KIAA2012: variants seen among roughly 807,000 people sequenced by gnomAD.
KIAA2012 encodes the protein uncharacterized protein KIAA2012.
Under a neutral mutation model 150.6 loss-of-function variants are expected in KIAA2012, and 125 were observed. The ratio of observed to expected loss-of-function variants is 0.83; its 90% CI spans 0.72 to 0.96. KIAA2012 has a LOEUF of 0.96. Among genes scored for constraint, KIAA2012 ranks in the 40% least tolerant of loss-of-function variants. The pLI, the probability that KIAA2012 is intolerant of heterozygous loss-of-function variation, is 0.00. For synonymous variants in KIAA2012, 462 were observed against 504.7 expected, an observed-to-expected ratio of 0.92 and a Z score of 1.13; for missense variants, 1,219 against 1,354.9, an observed-to-expected ratio of 0.90 and a Z score of 1.57.
intron 18 of KIAA2012, among the ~76,000 whole-genome samples, chr2:202,189,964 C>A (rs1349406873): frequency 6.6e-6 from 1 of 151,924 alleles, no homozygotes. Flanking sequence ...TGGTGGTGTG[C>A]CTGCAGTCCC....
Position 202,204,039 on chromosome 2 carries a change from G to T in KIAA2012, c.*21-959G>T, listed in dbSNP as rs77041274. Among the ~76,000 whole-genome samples, 47 of 151,374 alleles carry T rather than the reference G, an allele frequency of 3.1e-4. No homozygotes were observed. The East Asian group carries it at 8.5e-3, about 27-fold the overall frequency. ...CTACCTTGGCCTCCCAGAGTGCTGG[G>T]ATTACAGGCGTGAGCCACCGCACCC... On this transcript the variant is annotated intron_variant, in intron 23 of 23. Coordinates refer to ENST00000498697, the MANE Select transcript of KIAA2012 (RefSeq NM_001277372.4).
chr2:202,095,698 T>C (rs1433895184), intron 4 of KIAA2012, among the ~76,000 whole-genome samples: 1 of 152,206 alleles, frequency 6.6e-6, no homozygotes, highest in East Asian at 1.9e-4. Flanking sequence ...GAGTCACATA[T>C]TCAAACTCAC....
intron 7 of KIAA2012, among the ~76,000 whole-genome samples, chr2:202,102,560 T>C (rs779013456): frequency 4.6e-5 from 7 of 152,242 alleles, no homozygotes; most frequent in Admixed American, 1.3e-4. Context: ...GCTCAAACAA[T>C]GTTCTGTACT....
chr2:202,197,144 A>G, intron 22 of KIAA2012, 125 bp downstream of exon 22: 1 of 1,400,846 alleles, frequency 7.1e-7, no homozygotes, highest in South Asian at 1.4e-5. Context: ...CATGGCTTGG[A>G]AGACTGAAAG....
chr2:202,196,186 C>CTTTTCTTT lies in KIAA2012; in HGVS notation c.3188-610_3188-609insCTTTTTTT, dbSNP rs59455367. 2.0e-4 allele frequency among the ~76,000 whole-genome samples: 16 copies of CTTTTCTTT among 79,676 alleles called. 1 individual carries two copies. The highest frequency in any genetic ancestry group is 6.7e-4 in the African/African-American group (11 of 16,466). 52.3% of individuals were successfully genotyped at this position (79,676 alleles called of 152,430 possible). On this transcript the variant is annotated intron_variant, in intron 21 of 23. Coordinates refer to ENST00000498697, the MANE Select transcript of KIAA2012 (RefSeq NM_001277372.4). ...CACCAAGTTTCTTTTCTTTTCTTTT[C>CTTTTCTTT]TTTTTTTTTTTTTTTTTTTTTTTTT... is the stretch of plus-strand genomic sequence containing the variant.
intron 2 of KIAA2012, among the ~76,000 whole-genome samples, chr2:202,078,054 T>C (rs191865798): frequency 6.6e-6 from 1 of 152,356 alleles, no homozygotes; most frequent in Non-Finnish European, 1.5e-5. Context: ...TACCTTTTGA[T>C]TCAACATTCC....
chr2:202,196,702 G>C (rs1692421574), intron 21 of KIAA2012, 98 bp from the exon 22 acceptor site: 1 of 1,463,816 alleles, frequency 6.8e-7, no homozygotes, highest in Non-Finnish European at 9.1e-7. Flanking sequence ...AATTTCTCAC[G>C]GGGAGTCCTT....
At chr2:202,123,117 AAAT>A (rs1690694002) in intron 11 of KIAA2012, among the ~76,000 whole-genome samples, 1 of 152,206 alleles carries the variant, frequency 6.6e-6, no homozygotes, top group African/African-American at 2.4e-5. Flanking sequence ...CAGCTGTGGT[AAAT>A]AATGAGTTCT....
At chr2:202,192,058 A>T (rs1379519892) in intron 19 of KIAA2012, among the ~76,000 whole-genome samples, 1 of 152,218 alleles carries the variant, frequency 6.6e-6, no homozygotes, top group African/African-American at 2.4e-5. Context: ...ATTTTCCTTT[A>T]TAGTTCTCAG....
At chr2:202,078,382 G>C (rs1367354360) in intron 2 of KIAA2012, among the ~76,000 whole-genome samples, 1 of 152,140 alleles carries the variant, frequency 6.6e-6, no homozygotes, top group African/African-American at 2.4e-5. Context: ...TCAAACTCCT[G>C]GGCTCAAGTG....
intron 15 of KIAA2012, among the ~76,000 whole-genome samples, chr2:202,181,109 A>T (rs1451608480): frequency 6.6e-6 from 1 of 152,128 alleles, no homozygotes; most frequent in Non-Finnish European, 1.5e-5. Flanking sequence ...AGCTGGGATG[A>T]CAGGCTTATG....
At chr2:202,167,229 T>A (rs373329719) in intron 15 of KIAA2012, among the ~76,000 whole-genome samples, 46 of 152,172 alleles carry the variant, frequency 3.0e-4, no homozygotes, top group African/African-American at 1.1e-3. Context: ...AGGGAAAGAA[T>A]AAAATTTCAA....
intron 3 of KIAA2012, among the ~76,000 whole-genome samples, chr2:202,091,277 C>T (rs1265811530): frequency 6.6e-6 from 1 of 152,184 alleles, no homozygotes; most frequent in Non-Finnish European, 1.5e-5. Flanking sequence ...GAAGAAGAAG[C>T]CCAGAGAGGC....
At chr2:202,127,514 G>A (rs551764757) in intron 12 of KIAA2012, among the ~76,000 whole-genome samples, 6 of 152,290 alleles carry the variant, frequency 3.9e-5, no homozygotes, top group African/African-American at 1.4e-4. Context: ...GCCCCAGGGG[G>A]CTCAGATGAA....
chr2:202,124,862 G>T (rs1349894860), intron 11 of KIAA2012, among the ~76,000 whole-genome samples: 1 of 152,144 alleles, frequency 6.6e-6, no homozygotes, highest in Non-Finnish European at 1.5e-5. Flanking sequence ...TTGAGGTCGG[G>T]AGTCGAGACC....
At chr2:202,198,239 C>T (rs1692449328) in intron 22 of KIAA2012, among the ~76,000 whole-genome samples, 1 of 146,828 alleles carries the variant, frequency 6.8e-6, no homozygotes, top group Non-Finnish European at 1.5e-5. Context: ...AATTGGCTAG[C>T]CAGGGCAAGA....
chr2:202,117,537 G>T (rs1053858186), intron 11 of KIAA2012, among the ~76,000 whole-genome samples: 1 of 152,200 alleles, frequency 6.6e-6, no homozygotes, highest in Non-Finnish European at 1.5e-5. Context: ...AAGGCCATGT[G>T]AGGAAGAAGA....
At chr2:202,080,498 G>A (rs1262063656) in intron 2 of KIAA2012, among the ~76,000 whole-genome samples, 1 of 151,760 alleles carries the variant, frequency 6.6e-6, no homozygotes, top group African/African-American at 2.4e-5. Context: ...GTTCAAGACC[G>A]GCCTGACCAA....
chr2:202,181,982 C>T (rs951786365), intron 15 of KIAA2012, among the ~76,000 whole-genome samples: 4 of 152,110 alleles, frequency 2.6e-5, no homozygotes, highest in East Asian at 1.9e-4. Context: ...CCTCATACCT[C>T]CCCTATTCCA....
Sources: gnomAD v4.1 joint callset for allele counts (sites outside exome capture counted in the v4.1 genomes callset) on GRCh38, gnomAD v4.1.1 for gene constraint, MANE v1.5 for transcripts, NCBI Gene and HGNC (gene_info 2026-07-23, HGNC 2026-07-21) for gene names.